Variants in COG6 observed in about 807,000 individuals in gnomAD.
COG6 encodes the protein conserved oligomeric Golgi complex subunit 6.
Under a neutral mutation model 88.8 loss-of-function variants are expected in COG6, and 74 were observed. That is an observed-to-expected ratio of 0.83 (90% CI 0.69 to 1.01). COG6 has a LOEUF of 1.01. Ranked by LOEUF, COG6 falls within the 50% of genes least tolerant of loss-of-function variation. COG6 has a pLI of 0.00. For missense variants in COG6, 800 were observed against 797.9 expected, an observed-to-expected ratio of 1.00 and a Z score of -0.03; for synonymous variants, 286 against 278.7, an observed-to-expected ratio of 1.03 and a Z score of -0.26.
intron 18 of COG6, among the ~76,000 whole-genome samples, chr13:39,744,277 T>TA (rs1174920634): frequency 6.6e-6 from 1 of 152,150 alleles, no homozygotes; most frequent in Non-Finnish European, 1.5e-5. Flanking sequence ...GAGAGAGAAA[T>TA]AAAGGATATT....
chr13:39,773,175 C>T (rs1330535912), intron 18 of COG6, among the ~76,000 whole-genome samples: 1 of 152,204 alleles, frequency 6.6e-6, no homozygotes, highest in African/African-American at 2.4e-5. Context: ...AATAGCCTGT[C>T]TGTCTTCAAG....
intron 17 of COG6, 55 bp downstream of exon 17, chr13:39,724,616 C>A: frequency 7.7e-7 from 1 of 1,302,622 alleles, no homozygotes; most frequent in South Asian, 1.2e-5. Context: ...CGATAGTCTT[C>A]ATTTTTTGCT....
intron 5 of COG6, 66 bp from the exon 6 acceptor site, chr13:39,679,472 T>C: frequency 2.2e-6 from 2 of 892,430 alleles, no homozygotes; most frequent in Non-Finnish European, 3.8e-6. Flanking sequence ...GGTAGTGACC[T>C]TTCAGTTTTA....
chr13:39,733,189 C>CTTTT (rs914935008), intron 18 of COG6, among the ~76,000 whole-genome samples: 4 of 133,238 alleles, frequency 3.0e-5, no homozygotes, highest in South Asian at 4.9e-4. Flanking sequence ...AGAAAGAATT[C>CTTTT]TTTTTTTTTT....
At chr13:39,699,701 C>T in intron 13 of COG6, 83 bp downstream of exon 13, 1 of 752,512 alleles carries the variant, frequency 1.3e-6, no homozygotes, top group Non-Finnish European at 2.4e-6. Flanking sequence ...TGATTGATAA[C>T]TTTTCCCATT....
chr13:39,727,440 T>C lies in COG6; in HGVS notation c.1747-29T>C, dbSNP rs760482569. ...TGTTTGTTAGCACATATATGTACTTTATATTTTGTATTTCTCTGTTTCATT... is the reference window on the plus strand; with the variant it reads ...TGTTTGTTAGCACATATATGTACTTCATATTTTGTATTTCTCTGTTTCATT... On this transcript the variant is annotated intron_variant, in intron 17 of 18. Transcript: ENST00000455146. 2.5e-5 allele frequency: 38 copies of C among 1,532,630 alleles called. No individual in the cohort carries two copies. The South Asian group carries it at 4.2e-4, about 17-fold the overall frequency. 94.9% of individuals were successfully genotyped at this position (1,532,630 alleles called of 1,614,324 possible).
intron 13 of COG6, among the ~76,000 whole-genome samples, chr13:39,709,846 G>T (rs1878143367): frequency 6.6e-6 from 1 of 152,058 alleles, no homozygotes; most frequent in African/African-American, 2.4e-5. Context: ...TTTTCATGTG[G>T]ATATACACTT....
rs1023985092 is a variant in COG6 at position 39,655,769 on chromosome 13, G to C, written c.43G>C (p.Gly15Arg). ...GGAAGTGGTCGCAGTGTCTGCGACC[G>C]GGGCTGCCAACGGCCTCAACAATGG... ...SGEVVAVSAT[G>R]AANGLNNGAG... The change falls in exon 1 of 19, where the codon GGG becomes CGG. Residue 15 changes from glycine to arginine, a missense_variant. Transcript: ENST00000455146. 8 of 1,593,876 alleles carry C rather than the reference G, an allele frequency of 5.0e-6. No homozygotes were observed. The highest frequency in any genetic ancestry group is 6.0e-6 in the Non-Finnish European group (7 of 1,170,406).
intron 18 of COG6, among the ~76,000 whole-genome samples, chr13:39,766,915 A>G (rs1407945539): frequency 6.6e-6 from 1 of 152,258 alleles, no homozygotes; most frequent in East Asian, 1.9e-4. Flanking sequence ...CATATAAGTG[A>G]AAATCTGCAT....
chr13:39,727,909 C>G (rs1272431299), intron 18 of COG6, among the ~76,000 whole-genome samples: 1 of 152,014 alleles, frequency 6.6e-6, no homozygotes, highest in Non-Finnish European at 1.5e-5. Flanking sequence ...TGCAGATGAA[C>G]TGATTTATAG....
intron 18 of COG6, among the ~76,000 whole-genome samples, chr13:39,781,972 TCTTAA>T (rs1350368009): frequency 1.3e-5 from 2 of 152,250 alleles, no homozygotes; most frequent in African/African-American, 4.8e-5. Context: ...TCCCTTGGGT[TCTTAA>T]CTTACAATGT....
chr13:39,659,619 C>A, intron 2 of COG6, 112 bp downstream of exon 2: 1 of 832,214 alleles, frequency 1.2e-6, no homozygotes, highest in Non-Finnish European at 1.9e-6. Context: ...TATACTATGC[C>A]CAAATAGAAA....
Position 39,752,155 on chromosome 13 carries a change from A to G in COG6, c.*1062A>G, listed in dbSNP as rs1395568012. ...TTTGACATTCTTGTCAGCAAAAAAA[A>G]ACTTAATTTCTAGTAAATCTATAAA... On this transcript the variant is annotated 3_prime_UTR_variant, in exon 19 of 19. Coordinates refer to ENST00000455146, the MANE Select transcript of COG6 (RefSeq NM_020751.3). 1 of 1,208,924 alleles carries G rather than the reference A, an allele frequency of 8.3e-7. No homozygotes were observed. Among genetic ancestry groups the G allele is most frequent in the South Asian group, 1.4e-5 (1 of 71,748 alleles). 74.9% of individuals were successfully genotyped at this position (1,208,924 alleles called of 1,614,324 possible).
At position 39,676,458 on chromosome 13, in the gene COG6, CA is replaced by C. The variant is rs1242992482; in HGVS notation, c.429-1008del. On this transcript the variant is annotated intron_variant, in intron 4 of 18. Transcript: ENST00000455146. ...CATGACATTTAAATCTGTGTATATT[CA>C]ATTAGGTGATTTATCATTTGAAATA... Among the ~76,000 whole-genome samples the C allele has an allele frequency of 1.1e-4, 17 of 152,054 alleles. 1 individual carries two copies. In the South Asian group the frequency reaches 2.1e-3, roughly 19 times the overall value.
intron 18 of COG6, among the ~76,000 whole-genome samples, chr13:39,744,984 A>C (rs535834245): frequency 1.3e-4 from 20 of 152,298 alleles, no homozygotes; most frequent in African/African-American, 4.8e-4. Context: ...CAAACCTGAC[A>C]AGGGGTAAGG....
chr13:39,767,728 C>A (rs1000258967), intron 18 of COG6, among the ~76,000 whole-genome samples: 4 of 152,190 alleles, frequency 2.6e-5, no homozygotes, highest in Non-Finnish European at 5.9e-5. Context: ...TTCACCCCTG[C>A]AGTCATGTTC....
chr13:39,713,262 C>A (rs1878337651), intron 13 of COG6, among the ~76,000 whole-genome samples: 1 of 152,148 alleles, frequency 6.6e-6, no homozygotes, highest in African/African-American at 2.4e-5. Context: ...TTGTTTGTTT[C>A]TAATGGTTGC....
intron 17 of COG6, among the ~76,000 whole-genome samples, chr13:39,725,892 C>T (rs1025121502): frequency 6.6e-5 from 10 of 151,898 alleles, no homozygotes; most frequent in African/African-American, 2.2e-4. Context: ...TATGCTCACA[C>T]TTAGATCTGT....
At chr13:39,722,920 C>T (rs539042749) in intron 15 of COG6, among the ~76,000 whole-genome samples, 118 of 152,140 alleles carry the variant, frequency 7.8e-4, no homozygotes, top group Middle Eastern at 3.4e-3. Flanking sequence ...TAGGCTTCTC[C>T]AGATGGTATA....
Sources: allele counts gnomAD v4.1 joint callset (sites outside exome capture counted in the v4.1 genomes callset), GRCh38; gene constraint gnomAD v4.1.1; transcripts MANE v1.5; gene names NCBI Gene and HGNC (gene_info 2026-07-23, HGNC 2026-07-21).